NLRP6: variants seen among roughly 807,000 people sequenced by gnomAD.
The protein encoded by NLRP6 is NLR family pyrin domain containing 6.
Under a neutral mutation model 70.9 loss-of-function variants are expected in NLRP6, and 55 were observed. That is an observed-to-expected ratio of 0.78 (90% CI 0.62 to 0.97). The LOEUF (loss-of-function observed/expected upper bound fraction) is 0.97. Ranked by LOEUF, NLRP6 falls within the 50% of genes least tolerant of loss-of-function variation. The pLI, the probability that NLRP6 is intolerant of heterozygous loss-of-function variation, is 0.00. For missense variants in NLRP6, 1,241 were observed against 1,238.3 expected, an observed-to-expected ratio of 1.00 and a Z score of -0.03; for synonymous variants, 652 against 581.9, an observed-to-expected ratio of 1.12 and a Z score of -1.73.
intron 5 of NLRP6, among the ~76,000 whole-genome samples, chr11:283,274 T>C (rs1471289000): frequency 1.3e-5 from 2 of 151,106 alleles, no homozygotes; most frequent in African/African-American, 4.9e-5. Context: ...ATCCAGAGAG[T>C]TGGGGTGAGA....
At chr11:279,812 C>T in intron 2 of NLRP6, 22 bp from the exon 3 acceptor site, 1 of 1,584,372 alleles carries the variant, frequency 6.3e-7, no homozygotes, top group Non-Finnish European at 8.6e-7. Flanking sequence ...TCGGCGGAAC[C>T]TCACCCCAGT....
rs571071718 is a variant in NLRP6, at chr11:284,581, C to T, written c.2476C>T (p.Pro826Ser). 47 of 1,612,088 alleles carry T rather than the reference C, an allele frequency of 2.9e-5. No individual in the cohort carries two copies. Among genetic ancestry groups the T allele is most frequent in the African/African-American group, 9.3e-5 (7 of 75,024 alleles). ...TCTCAGCGGCTGCCAACTGCCCGCC[C>T]CCATGGTGACCTACCTGTGTGCAGT... ...LDLSGCQLPA[P>S]MVTYLCAVLQ... The change falls in exon 7 of 8, where the codon CCC becomes TCC. Residue 826 changes from proline to serine, a missense_variant. By Grantham distance (74) the Pro-to-Ser change is moderately conservative (BLOSUM62 -1). Coordinates refer to ENST00000534750, the MANE Select transcript of NLRP6 (RefSeq NM_001276700.2).
chr11:282,798 G>A lies in NLRP6; in HGVS notation c.2198+1G>A, dbSNP rs775397385. ...CACTGTGCCATCTGAGCAGCCTCAC[G>A]TGAGTGGCCACACCCCCAGCTCTTC... On this transcript the variant is annotated splice_donor_variant, in intron 5 of 7. Transcript: ENST00000534750. LOFTEE classifies it high-confidence loss of function. 6.9e-6 allele frequency: 11 copies of A among 1,605,802 alleles called. No individual in the cohort carries two copies. The highest frequency in any genetic ancestry group is 1.6e-4 in the Middle Eastern group (1 of 6,074).
chr11:280,073 G>A lies in NLRP6; in HGVS notation c.350-11G>A. 1 of 1,467,340 alleles carries A rather than the reference G, an allele frequency of 6.8e-7. No homozygotes were observed. Among genetic ancestry groups the A allele is most frequent in the Non-Finnish European group, 9.0e-7 (1 of 1,109,990 alleles). The allele number at this position is 1,467,340 out of a possible 1,614,324, so 90.9% of individuals were successfully genotyped here. On this transcript the variant is annotated splice_polypyrimidine_tract_variant and intron_variant, in intron 3 of 7. Transcript: ENST00000534750. The stretch of plus-strand genomic sequence containing the variant: ...GACCCTTGTCCCCGCGCTGTCTCCC[G>A]CTGCGCCCAGAGTACAAGAAGAAGT...
In NLRP6 at chr11:284,119, C is replaced by G. The variant is rs959964610; in HGVS notation, c.2199-111C>G. On this transcript the variant is annotated intron_variant, in intron 5 of 7. Transcript: ENST00000534750. ...GGTCCAGGGAAGGATGTGGCACCAACACATCTCTCAGCTGAACCCTGGGCC... is the reference window on the plus strand; with the variant it reads ...GGTCCAGGGAAGGATGTGGCACCAAGACATCTCTCAGCTGAACCCTGGGCC... 10 of 938,964 alleles carry G rather than the reference C, an allele frequency of 1.1e-5. No homozygotes were observed. The African/African-American group carries it at 1.6e-4, about 15-fold the overall frequency. The allele number at this position is 938,964 out of a possible 1,614,324, so 58.2% of individuals were successfully genotyped here.
intron 3 of NLRP6, 80 bp from the exon 4 acceptor site, chr11:280,003 CG>C: frequency 7.1e-7 from 1 of 1,414,196 alleles, no homozygotes; most frequent in Admixed American, 2.9e-5. Flanking sequence ...TGAGCAGGGC[CG>C]GGGAGGGCGT....
At chr11:282,523 C>A (rs2134009481) in intron 4 of NLRP6, among the ~76,000 whole-genome samples, 182 bp from the exon 5 acceptor site, 1 of 152,308 alleles carries the variant, frequency 6.6e-6, no homozygotes, top group Admixed American at 6.5e-5. Context: ...GGGATGATGC[C>A]TGGGCCACAG....
At position 281,676 on chromosome 11, in the gene NLRP6, C is replaced by T. The variant is rs769874639; in HGVS notation, c.1942C>T (p.Arg648Ter). The T allele has an allele frequency of 6.2e-7, 1 of 1,613,412 alleles. No homozygotes were observed. The highest frequency in any genetic ancestry group is 1.3e-5 in the African/African-American group (1 of 75,054). The change falls in exon 4 of 8, where the codon CGA becomes TGA. Residue 648 changes from arginine to a stop codon, truncating the protein, a stop_gained. Transcript: ENST00000534750. LOFTEE classifies it high-confidence loss of function. ...LCRFPELALQ[R>*]VRFCRMDVAV... ...CCGGTTCCCGGAGCTGGCGCTGCAG[C>T]GAGTGCGCTTCTGCCGCATGGACGT...
chr11:284,308 G>A lies in NLRP6; in HGVS notation c.2277G>A (p.Glu759=), dbSNP rs746076967. Residue 759 remains glutamate (E), a synonymous_variant, in exon 6 of 8, where the codon GAG becomes GAA. Transcript: ENST00000534750. ...TGAGGGCAGCCCCCGCACTGACGGA[G>A]CTGGGCCTCCTCCACAACAGGCTCA... ...EALRAAPALT[E]LGLLHNRLSE... is the part of the protein sequence containing the mutation. 1 of 1,612,564 alleles carries A rather than the reference G, an allele frequency of 6.2e-7. No individual in the cohort carries two copies. The highest frequency in any genetic ancestry group is 8.5e-7 in the Non-Finnish European group (1 of 1,179,882).
In NLRP6 at chr11:278,535, C is replaced by A; in HGVS notation, c.-35C>A. The A allele has an allele frequency of 6.6e-7, 1 of 1,525,840 alleles. No individual in the cohort carries two copies. Among genetic ancestry groups the A allele is most frequent in the Admixed American group, 2.2e-5 (1 of 46,464 alleles). 94.5% of individuals were successfully genotyped at this position (1,525,840 alleles called of 1,614,324 possible). A position where few individuals can be genotyped will look rare whatever the true frequency, so the allele number is the denominator to read the frequency against. ...ATCACCTCTCTGATCCCCACCTCTG[C>A]CCCGGAGTGCTAGACCCAGGGAGGA... On this transcript the variant is annotated 5_prime_UTR_variant, in exon 1 of 8. Transcript: ENST00000534750. The surrounding 1 kb of genome is among the most constrained non-coding windows in gnomAD (Gnocchi z 4.7).
chr11:284,480 A>G lies in NLRP6; in HGVS notation c.2375A>G (p.Gln792Arg). 1 of 1,612,764 alleles carries G rather than the reference A, an allele frequency of 6.2e-7. No individual in the cohort carries two copies. Among genetic ancestry groups the G allele is most frequent in the Admixed American group, 1.7e-5 (1 of 59,974 alleles). Residue 792 changes from glutamine (Q) to arginine (R), a missense_variant, in exon 7 of 8, where the codon CAG becomes CGG. Transcript: ENST00000534750. ...PQCRVQTVRV[Q>R]LPDPQRGLQY... ...TGAGGTCGGCCCTCCCACAGGGTAC[A>G]GCTGCCTGACCCCCAGCGAGGGCTC... is the stretch of plus-strand genomic sequence containing the variant.
intron 3 of NLRP6, 44 bp downstream of exon 3, chr11:279,916 T>G (rs781353846): frequency 2.0e-6 from 3 of 1,479,294 alleles, no homozygotes; most frequent in Non-Finnish European, 9.0e-7. Context: ...CAACCCCACT[T>G]GGAGGGTCCC....
Position 285,297 on chromosome 11 carries a change from C to T in NLRP6, c.2669C>T (p.Thr890Ile). The T allele has an allele frequency of 2.5e-6, 4 of 1,608,732 alleles. No homozygotes were observed. The South Asian group carries it at 3.3e-5, about 13-fold the overall frequency. Residue 890 changes from threonine (T) to isoleucine (I), a missense_variant, in exon 8 of 8, where the codon ACC (threonine) becomes ATC (isoleucine). Transcript: ENST00000534750. ...HPQPPKELIS[T>I]F is the part of the protein sequence containing the mutation. The stretch of plus-strand genomic sequence containing the variant: ...CAACCTCCCAAGGAACTCATCTCGA[C>T]CTTCTGAGGCTCTGGTGGCCAGAGC...
chr11:280,368 G>A lies in NLRP6; in HGVS notation c.634G>A (p.Ala212Thr), dbSNP rs1292143965. 1 of 1,542,118 alleles carries A rather than the reference G, an allele frequency of 6.5e-7. No homozygotes were observed. Among genetic ancestry groups the A allele is most frequent in the East Asian group, 2.4e-5 (1 of 41,076 alleles). ...GPAGIGKTMA[A>T]KKILYDWAAG... ...GGCGGGCATCGGCAAGACCATGGCG[G>A]CCAAAAAGATCCTGTACGACTGGGC... Residue 212 changes from alanine (A) to threonine (T), a missense_variant, in exon 4 of 8, where the codon GCC becomes ACC. Transcript: ENST00000534750.
rs1253100064 is a variant in NLRP6 at position 284,657 on chromosome 11, G to A, written c.2537+15G>A. 12 of 1,592,728 alleles carry A rather than the reference G, an allele frequency of 7.5e-6. No individual in the cohort carries two copies. The highest frequency in any genetic ancestry group is 2.7e-5 in the African/African-American group (2 of 74,718). On this transcript the variant is annotated intron_variant, in intron 7 of 7. Coordinates refer to ENST00000534750, the MANE Select transcript of NLRP6 (RefSeq NM_001276700.2). ...CAGACCCTCAGGTGGAGGCAGGGGT[G>A]GGAAGGGTGCTGGGGACACAGCCTG...
chr11:279,673 C>G (rs1009609110), intron 2 of NLRP6, 66 bp downstream of exon 2: 39 of 1,362,784 alleles, frequency 2.9e-5, no homozygotes, highest in Non-Finnish European at 3.5e-5. Flanking sequence ...TCCCGCTTCC[C>G]GGAGAAGCCC....
rs1020130812 is a variant in NLRP6, at chr11:284,367, T to G, written c.2336T>G (p.Leu779Arg). Residue 779 changes from leucine (L) to arginine (R), a missense_variant, in exon 6 of 8, where the codon CTA (leucine) becomes CGA (arginine). By Grantham distance (102) the Leu-to-Arg change is moderately radical (BLOSUM62 -2). Coordinates refer to ENST00000534750, the MANE Select transcript of NLRP6 (RefSeq NM_001276700.2). ...GGACTGCGTATGCTGAGTGAGGGCC[T>G]AGCCTGGCCGCAGTGCAGGGTGCAG... The part of the protein sequence containing the change: ...EAGLRMLSEG[L>R]AWPQCRVQTV... 3.1e-6 allele frequency: 5 copies of G among 1,603,742 alleles called. No homozygotes were observed. The highest frequency in any genetic ancestry group is 1.7e-4 in the Middle Eastern group (1 of 6,058).
chr11:281,160 CA>C lies in NLRP6; in HGVS notation c.1427del (p.Gln476ArgfsTer76). 1 of 1,613,126 alleles carries C rather than the reference CA, an allele frequency of 6.2e-7. No individual in the cohort carries two copies. Among genetic ancestry groups the C allele is most frequent in the Non-Finnish European group, 8.5e-7 (1 of 1,179,976 alleles). On this transcript the variant is annotated frameshift_variant, in exon 4 of 8. Coordinates refer to ENST00000534750, the MANE Select transcript of NLRP6 (RefSeq NM_001276700.2). LOFTEE classifies it high-confidence loss of function. ...ACTGGAGCTTCGTGGCTCCAAAGTGCAGACGCTGTTTCTCAGCAAAAAGGAG... is the reference window on the plus strand; with the variant it reads ...ACTGGAGCTTCGTGGCTCCAAAGTGCGACGCTGTTTCTCAGCAAAAAGGAG... ...EQLELRGSKV[Q>X]TLFLSKKELP...
Position 285,146 on chromosome 11 carries a change from T to C in NLRP6, c.2538-20T>C, listed in dbSNP as rs1223909729. ...TTTCCCCCACCGCTGACCCCGCTTC[T>C]GCTCTGCGTGTGGCTGCAGTCTGGC... On this transcript the variant is annotated intron_variant, in intron 7 of 7. Transcript: ENST00000534750. 1.9e-6 allele frequency: 3 copies of C among 1,570,744 alleles called. No homozygotes were observed. Among genetic ancestry groups the C allele is most frequent in the Admixed American group, 1.9e-5 (1 of 53,700 alleles).
Sources: allele counts gnomAD v4.1 joint callset (sites outside exome capture counted in the v4.1 genomes callset), GRCh38; gene constraint gnomAD v4.1.1; non-coding constraint Gnocchi (gnomAD v3.1); transcripts MANE v1.5; gene names NCBI Gene and HGNC (gene_info 2026-07-23, HGNC 2026-07-21).